Variants in DOCK6 observed in about 807,000 individuals in gnomAD.
The protein encoded by DOCK6 is dedicator of cytokinesis 6.
DOCK6 carries 167 observed loss-of-function variants against 230.3 expected under a neutral mutation model. The ratio of observed to expected loss-of-function variants is 0.73; its 90% CI spans 0.64 to 0.82. DOCK6 has a LOEUF of 0.82. DOCK6 is among the 40% of genes least tolerant of loss of function. DOCK6 has a pLI of 0.00. For missense variants in DOCK6, 2,598 were observed against 2,825.8 expected, an observed-to-expected ratio of 0.92 and a Z score of 1.83; for synonymous variants, 1,148 against 1,185.0, an observed-to-expected ratio of 0.97 and a Z score of 0.64.
At chr19:11,241,451 G>C (rs778603926) in intron 14 of DOCK6, 2 of 1,548,370 alleles carry the variant, frequency 1.3e-6, no homozygotes, top group East Asian at 4.9e-5. Context: ...ACAGGCTCAC[G>C]CTGACAAGCA....
In DOCK6 at chr19:11,202,673, C is replaced by T. The variant is rs750314919; in HGVS notation, c.5272G>A (p.Gly1758Ser). ...FGTYFRVGFY[G>S]AHFGDLDEQE... ...TCATCCAGGTCACCGAAGTGGGCGC[C>T]GTAGAAGCCCACGCGGAAATACGTC... The change falls in exon 42 of 48, where the codon GGC (glycine) becomes AGC (serine). Residue 1758 changes from glycine (G) to serine (S), a missense_variant. Transcript: ENST00000294618. The surrounding 1 kb of genome is among the most constrained non-coding windows in gnomAD (Gnocchi z 5.3). 11 of 1,613,814 alleles carry T rather than the reference C, an allele frequency of 6.8e-6. No homozygotes were observed. The Admixed American group carries it at 1.3e-4, about 20-fold the overall frequency.
intron 39 of DOCK6, chr19:11,208,098 G>A (rs2147722363): frequency 6.6e-6 from 1 of 152,208 alleles, no homozygotes; most frequent in South Asian, 2.1e-4. Context: ...ACCAGCCTGG[G>A]CAAAAGAGCA....
intron 6 of DOCK6, among the ~76,000 whole-genome samples, chr19:11,249,951 T>A (rs1599283180): frequency 6.9e-6 from 1 of 145,118 alleles, no homozygotes; most frequent in Non-Finnish European, 1.5e-5. Context: ...ATAGAGTAGG[T>A]GCCCAATAAA....
rs1372267836 is a variant in DOCK6 at position 11,236,890 on chromosome 19, G to A, written c.2074-11C>T. 1 of 1,550,334 alleles carries A rather than the reference G, an allele frequency of 6.5e-7. No homozygotes were observed. The highest frequency in any genetic ancestry group is 1.2e-5 in the South Asian group (1 of 83,984). ...GCCCGGAAGCGCCACCTGTGGGAGG[G>A]AGGCACCAGGTGGGCACTGGTCAGC... is the stretch of plus-strand genomic sequence containing the variant. On this transcript the variant is annotated splice_polypyrimidine_tract_variant and intron_variant, in intron 18 of 47. Coordinates refer to ENST00000294618, the MANE Select transcript of DOCK6 (RefSeq NM_020812.4). The surrounding 1 kb of genome is among the most constrained non-coding windows in gnomAD (Gnocchi z 5.2).
intron 34 of DOCK6, among the ~76,000 whole-genome samples, chr19:11,213,817 G>A (rs2079434690): frequency 7.0e-6 from 1 of 142,512 alleles, no homozygotes; most frequent in Non-Finnish European, 1.5e-5. Flanking sequence ...TTTTTTTTGA[G>A]ACAGGCTCTC....
Position 11,262,411 on chromosome 19 carries a change from CGCGA to C in DOCK6, c.26_29del (p.Phe9CysfsTer38). 1 of 1,273,246 alleles carries C rather than the reference CGCGA, an allele frequency of 7.9e-7. No individual in the cohort carries two copies. The highest frequency in any genetic ancestry group is 9.9e-7 in the Non-Finnish European group (1 of 1,008,922). 78.9% of individuals were successfully genotyped at this position (1,273,246 alleles called of 1,614,324 possible). ...GGCCACACTACCTGTTGATCTTGTG[CGCGA>C]AGGCGCGGCGCTCGGAGGCAGCCAT... On this transcript the variant is annotated frameshift_variant, in exon 1 of 48. Transcript: ENST00000294618. LOFTEE classifies it high-confidence loss of function.
At position 11,216,973 on chromosome 19, in the gene DOCK6, G is replaced by C. The variant is rs1600877497; in HGVS notation, c.3835C>G (p.Pro1279Ala). ...LQRWATDLTL[P>A]QLGRLLDLLY... ...AAATCCAACAGACGTCCCAGCTGGG[G>C]GAGTGTCAGGTCAGTGGCCCAGCGC... Residue 1279 changes from proline (P) to alanine (A), a missense_variant, in exon 30 of 48, where the codon CCC becomes GCC. Physicochemically the swap from Pro to Ala is conservative, Grantham distance 27. Transcript: ENST00000294618. 1 of 1,613,626 alleles carries C rather than the reference G, an allele frequency of 6.2e-7. No individual in the cohort carries two copies. The highest frequency in any genetic ancestry group is 8.5e-7 in the Non-Finnish European group (1 of 1,179,900).
chr19:11,210,067 C>T (rs1350324708), intron 37 of DOCK6, among the ~76,000 whole-genome samples: 11 of 146,812 alleles, frequency 7.5e-5, no homozygotes, highest in African/African-American at 2.8e-4. Flanking sequence ...CATCCCTTCA[C>T]TTGTCTATCC....
chr19:11,243,024 A>G lies in DOCK6; in HGVS notation c.1480+35T>C. On this transcript the variant is annotated intron_variant, in intron 13 of 47. Transcript: ENST00000294618. The surrounding 1 kb of genome is among the most constrained non-coding windows in gnomAD (Gnocchi z 6.3). ...TAGGTTTGTTGAGTGGCTGAGTGAG[A>G]GTGATACTTCTTGTGTATGGGGTGT... 1 of 1,611,070 alleles carries G rather than the reference A, an allele frequency of 6.2e-7. No homozygotes were observed. Among genetic ancestry groups the G allele is most frequent in the Non-Finnish European group, 8.5e-7 (1 of 1,178,462 alleles).
At chr19:11,252,077 CACA>C in intron 5 of DOCK6, 39 bp downstream of exon 5, 1 of 1,572,058 alleles carries the variant, frequency 6.4e-7, no homozygotes, top group South Asian at 1.2e-5. Context: ...CCGGAGCCTC[CACA>C]CATACCCCTT....
rs1224070583 is a variant in DOCK6, at chr19:11,250,936, C to T, written c.658G>A (p.Glu220Lys). The stretch of plus-strand genomic sequence containing the variant: ...GGCCGGTGCTGCCGTCGAAGGGTTT[C>T]ATTGCGCCGGTCCACATCTTCTGGG... Reference protein sequence around the residue: ...AAPEDVDRRNETLRRQHRPPA... With the variant: ...AAPEDVDRRNKTLRRQHRPPA... The change falls in exon 6 of 48, where the codon GAA becomes AAA. Residue 220 changes from glutamate to lysine, a missense_variant. Coordinates refer to ENST00000294618, the MANE Select transcript of DOCK6 (RefSeq NM_020812.4). 1 of 1,612,762 alleles carries T rather than the reference C, an allele frequency of 6.2e-7. No individual in the cohort carries two copies. The highest frequency in any genetic ancestry group is 8.5e-7 in the Non-Finnish European group (1 of 1,178,994).
chr19:11,202,485 T>A, upstream of DOCK6: 1 of 1,612,178 alleles, frequency 6.2e-7, no homozygotes, highest in Non-Finnish European at 8.5e-7. The surrounding 1 kb of genome is among the most constrained non-coding windows in gnomAD (Gnocchi z 5.3). Context: ...GTAGAACTCC[T>A]GGAGACACAG....
At chr19:11,207,551 G>T (rs2079282567) in intron 39 of DOCK6, among the ~76,000 whole-genome samples, 1 of 152,104 alleles carries the variant, frequency 6.6e-6, no homozygotes, top group African/African-American at 2.4e-5. Flanking sequence ...CAGCTACTTG[G>T]GAGGCTTGGG....
In DOCK6 at chr19:11,202,343, C is replaced by T; in HGVS notation, c.5451+51G>A. 6.3e-7 allele frequency: 1 copy of T among 1,585,992 alleles called. No individual in the cohort carries two copies. Among genetic ancestry groups the T allele is most frequent in the Non-Finnish European group, 8.6e-7 (1 of 1,164,066 alleles). On this transcript the variant is annotated intron_variant, in intron 43 of 47. Coordinates refer to ENST00000294618, the MANE Select transcript of DOCK6 (RefSeq NM_020812.4). The surrounding 1 kb of genome is among the most constrained non-coding windows in gnomAD (Gnocchi z 5.3). ...ATTTGAGGGTCCCCAGGAAACAGCA[C>T]TTGGAGTCTCTGTGAATCTAAGATT... is the stretch of plus-strand genomic sequence containing the variant.
chr19:11,226,675 C>CA (rs1273480974), intron 24 of DOCK6, among the ~76,000 whole-genome samples: 8 of 151,956 alleles, frequency 5.3e-5, no homozygotes, highest in Admixed American at 2.6e-4. Flanking sequence ...AAAACAACAA[C>CA]AAAAAAATGA....
rs1373375277 is a variant in DOCK6, at chr19:11,239,911, C to T, written c.1644-1607G>A. 25 of 1,588,268 alleles carry T rather than the reference C, an allele frequency of 1.6e-5. No individual in the cohort carries two copies. The Middle Eastern group carries it at 5.0e-4, about 32-fold the overall frequency. On this transcript the variant is annotated intron_variant, in intron 14 of 47. Transcript: ENST00000294618. ...GGGCCGGGATGCAGCCCAGGAACTT[C>T]GGGCAAGCCTGTTGGAGACTCAGGT...
intron 7 of DOCK6, among the ~76,000 whole-genome samples, chr19:11,246,919 C>T (rs2080043721): frequency 6.6e-6 from 1 of 152,174 alleles, no homozygotes. Context: ...GCCAGCTCCT[C>T]TTCCTCACTG....
intron 1 of DOCK6, among the ~76,000 whole-genome samples, chr19:11,261,814 G>A (rs1297691542): frequency 1.3e-5 from 2 of 151,034 alleles, no homozygotes; most frequent in East Asian, 2.0e-4. Flanking sequence ...GAAGCAGAAG[G>A]TGGGGGGGCG....
chr19:11,256,965 C>T (rs2080206934), intron 1 of DOCK6, among the ~76,000 whole-genome samples: 1 of 152,002 alleles, frequency 6.6e-6, no homozygotes, highest in Non-Finnish European at 1.5e-5. Flanking sequence ...AGGCGTGAGC[C>T]ACCGAGCCCG....
Sources: allele counts gnomAD v4.1 joint callset (sites outside exome capture counted in the v4.1 genomes callset), GRCh38; gene constraint gnomAD v4.1.1; non-coding constraint Gnocchi (gnomAD v3.1); transcripts MANE v1.5; gene names NCBI Gene and HGNC (gene_info 2026-07-23, HGNC 2026-07-21).